Variants in EML1 observed in about 807,000 individuals in gnomAD.
EML1 encodes echinoderm microtubule-associated protein-like 1.
In EML1, 27 loss-of-function variants were observed where a neutral mutation model predicts 110.4. The ratio of observed to expected loss-of-function variants is 0.24; its 90% CI spans 0.18 to 0.34. The LOEUF (loss-of-function observed/expected upper bound fraction) is 0.34, where lower values mean the gene tolerates loss of function less well. Among genes scored for constraint, EML1 ranks in the 10% least tolerant of loss-of-function variants. The pLI, the probability that EML1 is intolerant of heterozygous loss-of-function variation, is 1.00. For synonymous variants in EML1, 344 were observed against 385.8 expected, an observed-to-expected ratio of 0.89 and a Z score of 1.27; for missense variants, 741 against 1,030.9, an observed-to-expected ratio of 0.72 and a Z score of 3.85.
chr14:99,737,765 G>A, exon 1 of EML1: 1 of 1,285,016 alleles, frequency 7.8e-7, no homozygotes, highest in Non-Finnish European at 1.0e-6. Flanking sequence ...TGCTGGGTGG[G>A]TGACAGCCGC....
chr14:99,796,321 TCTC>T (rs2139672018), intron 1 of EML1, among the ~76,000 whole-genome samples: 1 of 152,198 alleles, frequency 6.6e-6, no homozygotes, highest in South Asian at 2.1e-4. Context: ...TCTTGGTGTC[TCTC>T]CTCATAATTT....
At position 99,909,479 on chromosome 14, in the gene EML1, G is replaced by C. The variant is rs2059910930; in HGVS notation, c.1239G>C (p.Glu413Asp). 10 of 1,613,858 alleles carry C rather than the reference G, an allele frequency of 6.2e-6. No individual in the cohort carries two copies. Among genetic ancestry groups the C allele is most frequent in the Admixed American group, 1.7e-5 (1 of 59,986 alleles). Residue 413 changes from glutamate to aspartate, a missense_variant and splice_region_variant, in exon 11 of 22, where the codon GAG becomes GAC. Transcript: ENST00000262233. ...SSLNKKQGLF[E>D]KQEKPKFVLC... ...TTAATAAGAAGCAAGGATTATTCGA[G>C]GTAAAGTTAAATTATGATTTTTGCT...
At chr14:99,744,833 T>C (rs17098963) in intron 1 of EML1, among the ~76,000 whole-genome samples, 1,647 of 152,336 alleles carry the variant, frequency 0.011, 72 homozygotes, top group Admixed American at 0.082. Flanking sequence ...TTTTATTTGC[T>C]GAGGTACAAA....
rs1477038905 is a variant in EML1 at position 99,939,599 on chromosome 14, G to A, written c.2322+272G>A. Among the ~76,000 whole-genome samples the A allele has an allele frequency of 6.6e-6, 1 of 152,098 alleles. No homozygotes were observed. Among genetic ancestry groups the A allele is most frequent in the Non-Finnish European group, 1.5e-5 (1 of 68,006 alleles). On this transcript the variant is annotated intron_variant, in intron 21 of 21. Coordinates refer to ENST00000262233, the MANE Select transcript of EML1 (RefSeq NM_004434.3). The surrounding 1 kb of genome is among the most constrained non-coding windows in gnomAD (Gnocchi z 4.2). ...CCTCCCCCACGGCTCCCTTGCTCCG[G>A]CCCTGCTCAGCCGCGCCAGCCCTGA...
intron 1 of EML1, among the ~76,000 whole-genome samples, chr14:99,823,196 T>C (rs2058293478): frequency 6.6e-6 from 1 of 152,156 alleles, no homozygotes; most frequent in Non-Finnish European, 1.5e-5. Context: ...CCAGACTCAG[T>C]TGCTTTTAAT....
chr14:99,933,267 C>A (rs2060406486), intron 17 of EML1, among the ~76,000 whole-genome samples: 1 of 152,178 alleles, frequency 6.6e-6, no homozygotes, highest in Admixed American at 6.5e-5. Flanking sequence ...CCTCTGCCTC[C>A]CGAGTTCAAG....
Position 99,850,840 on chromosome 14 carries a change from T to C in EML1, c.68-13T>C. 3 of 1,609,668 alleles carry C rather than the reference T, an allele frequency of 1.9e-6. No homozygotes were observed. Among genetic ancestry groups the C allele is most frequent in the Non-Finnish European group, 2.5e-6 (3 of 1,176,474 alleles). ...GAACACTTAAAGCTCACTTGATCCT[T>C]TCTTTGGTTTAGATGACAGCGCTTC... On this transcript the variant is annotated splice_polypyrimidine_tract_variant and intron_variant, in intron 1 of 21. Transcript: ENST00000262233.
At chr14:99,830,706 G>GC (rs1236961468) in intron 1 of EML1, among the ~76,000 whole-genome samples, 2 of 151,180 alleles carry the variant, frequency 1.3e-5, no homozygotes, top group Non-Finnish European at 3.0e-5. Flanking sequence ...ACCCACCACC[G>GC]CCCCCAGCTA....
chr14:99,855,855 G>A (rs558846708), intron 2 of EML1, among the ~76,000 whole-genome samples: 1 of 152,152 alleles, frequency 6.6e-6, no homozygotes, highest in Admixed American at 6.5e-5. Flanking sequence ...TAATAAGCAA[G>A]TCAGTCCTGT....
chr14:99,806,545 A>G (rs879268682), intron 1 of EML1, among the ~76,000 whole-genome samples: 1 of 151,780 alleles, frequency 6.6e-6, no homozygotes, highest in Non-Finnish European at 1.5e-5. Context: ...CGAACTCCCA[A>G]CCTCAGGTGA....
At chr14:99,775,767 C>T (rs1445179223) in intron 1 of EML1, among the ~76,000 whole-genome samples, 2 of 152,178 alleles carry the variant, frequency 1.3e-5, no homozygotes, top group African/African-American at 2.4e-5. Context: ...ATTTGAAAGG[C>T]GTGCCTAAGA....
At chr14:99,934,601 G>A (rs1017999124) in intron 17 of EML1, among the ~76,000 whole-genome samples, 1 of 152,240 alleles carries the variant, frequency 6.6e-6, no homozygotes, top group South Asian at 2.1e-4. Flanking sequence ...GGAGCCTCCC[G>A]ACTGCTATGA....
At chr14:99,886,351 A>AT (rs2059474797) in intron 4 of EML1, among the ~76,000 whole-genome samples, 1 of 152,172 alleles carries the variant, frequency 6.6e-6, no homozygotes, top group South Asian at 2.1e-4. Flanking sequence ...GTTTGGTGGC[A>AT]TATGCCTGTA....
chr14:99,891,248 G>A (rs774214325), intron 5 of EML1, 21 bp downstream of exon 5: 9 of 1,613,778 alleles, frequency 5.6e-6, no homozygotes, highest in Admixed American at 3.3e-5. Flanking sequence ...TTTAATTTAT[G>A]TATGGGAACC....
intron 7 of EML1, 69 bp from the exon 8 acceptor site, chr14:99,898,164 A>T: frequency 7.5e-7 from 1 of 1,341,172 alleles, no homozygotes; most frequent in Non-Finnish European, 1.0e-6. Flanking sequence ...TGACTAGATT[A>T]TATTTGAGCA....
upstream of EML1, among the ~76,000 whole-genome samples, chr14:99,791,635 G>A (rs1225322386): frequency 6.6e-6 from 1 of 152,124 alleles, no homozygotes; most frequent in East Asian, 1.9e-4. Flanking sequence ...CTTCCCTCTG[G>A]CCGGCCCTTG....
intron 1 of EML1, among the ~76,000 whole-genome samples, chr14:99,796,572 G>A (rs56131466): frequency 1.2e-3 from 172 of 148,792 alleles, no homozygotes; most frequent in African/African-American, 3.9e-3. Flanking sequence ...GCTCACTGCA[G>A]ACTCAAACTC....
At position 99,936,670 on chromosome 14, in the gene EML1, G is replaced by A. The variant is rs145927204; in HGVS notation, c.2095+336G>A. Among the ~76,000 whole-genome samples, 810 of 152,194 alleles carry A rather than the reference G, an allele frequency of 5.3e-3. 7 individuals are homozygous for A. The highest frequency in any genetic ancestry group is 8.2e-3 in the Non-Finnish European group (557 of 67,976). On this transcript the variant is annotated intron_variant, in intron 19 of 21. Transcript: ENST00000262233. The surrounding 1 kb of genome is among the most constrained non-coding windows in gnomAD (Gnocchi z 5.5). ...GATGTGGCCGAAGTGGGTGGGTCCG[G>A]AGCTGTCCAGGCAGGAGGAGGGCCT...
chr14:99,937,074 G>A (rs1379285260), intron 19 of EML1, among the ~76,000 whole-genome samples: 1 of 152,202 alleles, frequency 6.6e-6, no homozygotes, highest in African/African-American at 2.4e-5. Context: ...AGGGCTCAGA[G>A]CCCAAAACAC....
Sources: allele counts gnomAD v4.1 joint callset (sites outside exome capture counted in the v4.1 genomes callset), GRCh38; gene constraint gnomAD v4.1.1; non-coding constraint Gnocchi (gnomAD v3.1); transcripts MANE v1.5; gene names NCBI Gene and HGNC (gene_info 2026-07-23, HGNC 2026-07-21).